The following PTK2 variants were observed in gnomAD, a reference collection of about 807,000 sequenced individuals.
PTK2 encodes the protein protein tyrosine kinase 2, also known as focal adhesion kinase 1.
Under a neutral mutation model 150.1 loss-of-function variants are expected in PTK2, and 45 were observed. The observed-to-expected ratio is 0.30, with a 90% confidence interval of 0.24 to 0.38. PTK2 has a LOEUF of 0.38. Ranked by LOEUF, PTK2 falls within the 10% of genes least tolerant of loss-of-function variation. The probability of loss-of-function intolerance (pLI) is 1.00; values close to 1 mark genes in which losing one functional copy is unlikely to be tolerated. For missense variants in PTK2, 919 were observed against 1,307.3 expected, an observed-to-expected ratio of 0.70 and a Z score of 4.58; for synonymous variants, 432 against 449.2, an observed-to-expected ratio of 0.96 and a Z score of 0.48.
chr8:140,996,677 A>G (rs2100197895), intron 1 of PTK2, among the ~76,000 whole-genome samples: 2 of 152,218 alleles, frequency 1.3e-5, no homozygotes, highest in South Asian at 4.1e-4. Flanking sequence ...GGATGATAGC[A>G]TATCTGTTTA....
Position 140,876,467 on chromosome 8 carries a change from G to A in PTK2, c.362+3004C>T, listed in dbSNP as rs370582075. Among the ~76,000 whole-genome samples, 39 of 152,138 alleles carry A rather than the reference G, an allele frequency of 2.6e-4. 2 individuals carry two copies. Among genetic ancestry groups the A allele is most frequent in the African/African-American group, 9.2e-4 (38 of 41,506 alleles). ...TGGGTGTCATCCTGTCTTGTTCTCT[G>A]GTACAACAATATTTTACTATTAATA... On this transcript the variant is annotated intron_variant, in intron 4 of 31. Transcript: ENST00000522684.
chr8:140,988,045 A>C (rs1417433696), intron 1 of PTK2, among the ~76,000 whole-genome samples: 2 of 49,818 alleles, frequency 4.0e-5, no homozygotes, highest in African/African-American at 4.0e-5. Context: ...ACCCTGTCTC[A>C]AAAAAAAAAA....
Position 140,846,600 on chromosome 8 carries a change from G to GT in PTK2, c.528dup (p.Arg177ThrfsTer17). On this transcript the variant is annotated frameshift_variant and splice_region_variant, in exon 6 of 32. Coordinates refer to ENST00000522684, the Ensembl canonical transcript of PTK2. LOFTEE classifies it high-confidence loss of function. ...CGCAATGTATAGTTATCATCTTACC[G>GT]TATTTCTAGACAACCCAACTTCAAA... 6.3e-7 allele frequency: 1 copy of GT among 1,598,216 alleles called. No homozygotes were observed. The highest frequency in any genetic ancestry group is 8.6e-7 in the Non-Finnish European group (1 of 1,166,744).
At chr8:140,971,054 T>A (rs2100187088) in intron 1 of PTK2, among the ~76,000 whole-genome samples, 1 of 152,232 alleles carries the variant, frequency 6.6e-6, no homozygotes. Flanking sequence ...CTCAACTGTT[T>A]ATTCAAGGAG....
chr8:140,759,150 G>A (rs374399546), intron 16 of PTK2, among the ~76,000 whole-genome samples: 1 of 152,068 alleles, frequency 6.6e-6, no homozygotes, highest in South Asian at 2.1e-4. Context: ...TTTACACACG[G>A]CACATGATTG....
At chr8:140,682,863 GA>G (rs2100017863) in intron 27 of PTK2, among the ~76,000 whole-genome samples, 1 of 152,084 alleles carries the variant, frequency 6.6e-6, no homozygotes, top group South Asian at 2.1e-4. Context: ...GTGTTAAGAA[GA>G]AAGTTTATAG....
In PTK2 at chr8:140,753,095, G is replaced by C. The variant is rs577276134; in HGVS notation, c.1333-779C>G. Among the ~76,000 whole-genome samples, 7 of 152,324 alleles carry C rather than the reference G, an allele frequency of 4.6e-5. No homozygotes were observed. The East Asian group carries it at 9.7e-4, about 21-fold the overall frequency. ...AATTTTGAAGGAGCATTCTGCTGTG[G>C]TACTGAGAAATGGCTGCAGAGAGGC... is the stretch of plus-strand genomic sequence containing the variant. On this transcript the variant is annotated intron_variant, in intron 16 of 31. Transcript: ENST00000522684.
chr8:140,685,104 T>C (rs1038356674), intron 27 of PTK2, among the ~76,000 whole-genome samples: 1 of 152,034 alleles, frequency 6.6e-6, no homozygotes, highest in South Asian at 2.1e-4. Flanking sequence ...CCTACAACCA[T>C]CTCATCTTTG....
chr8:140,948,517 G>A (rs978696594), intron 1 of PTK2: 1 of 152,044 alleles, frequency 6.6e-6, no homozygotes, highest in Non-Finnish European at 1.5e-5. Context: ...ACTTCTAAAA[G>A]AAAAATACAC....
At chr8:140,946,023 C>G (rs1447101462) in intron 1 of PTK2, among the ~76,000 whole-genome samples, 1 of 152,104 alleles carries the variant, frequency 6.6e-6, no homozygotes, top group East Asian at 1.9e-4. Flanking sequence ...ACCCTGGTAC[C>G]ATTTACAGCA....
chr8:140,987,853 C>T (rs1032850025), intron 1 of PTK2, among the ~76,000 whole-genome samples: 17 of 152,042 alleles, frequency 1.1e-4, no homozygotes, highest in Non-Finnish European at 1.5e-5. Context: ...CACCAGCCTG[C>T]GAAACATGAC....
At chr8:140,890,577 C>A (rs1201350980) in exon 3 of PTK2, 2 of 1,613,966 alleles carry the variant, frequency 1.2e-6, no homozygotes, top group African/African-American at 2.7e-5. Flanking sequence ...CCTGATAATA[C>A]TGGCCCAGGT....
At chr8:140,661,979 C>G (rs1242387253) in intron 31 of PTK2, among the ~76,000 whole-genome samples, 1 of 152,086 alleles carries the variant, frequency 6.6e-6, no homozygotes, top group Non-Finnish European at 1.5e-5. Context: ...GATGCAGGAT[C>G]AAAGACAGGC....
intron 22 of PTK2, among the ~76,000 whole-genome samples, chr8:140,723,507 T>C (rs923312592): frequency 6.6e-6 from 1 of 152,234 alleles, no homozygotes; most frequent in Admixed American, 6.5e-5. Context: ...GAGACAGTAC[T>C]GAACTTTTCT....
intron 3 of PTK2, among the ~76,000 whole-genome samples, chr8:140,884,011 G>C (rs532467307): frequency 1.3e-5 from 2 of 151,854 alleles, no homozygotes; most frequent in South Asian, 4.2e-4. Flanking sequence ...TTCCCTCAAC[G>C]TTGCATCTGA....
intron 22 of PTK2, chr8:140,718,605 G>A (rs895252278): frequency 4.6e-5 from 7 of 152,174 alleles, no homozygotes; most frequent in African/African-American, 1.7e-4. Flanking sequence ...GGTAGATAGT[G>A]TGCAGTAAAC....
chr8:140,931,222 ATTGT>A (rs1050268093), intron 1 of PTK2, among the ~76,000 whole-genome samples: 6 of 152,100 alleles, frequency 3.9e-5, no homozygotes, highest in Non-Finnish European at 8.8e-5. Context: ...ACTGTTCCTA[ATTGT>A]TTGTGTAACC....
chr8:140,866,894 G>A (rs1401182967), intron 4 of PTK2, among the ~76,000 whole-genome samples: 1 of 152,202 alleles, frequency 6.6e-6, no homozygotes, highest in Admixed American at 6.5e-5. Flanking sequence ...ATAAAGGGTA[G>A]TCAATGATGG....
chr8:140,839,087 T>C (rs1451292286), intron 7 of PTK2, among the ~76,000 whole-genome samples: 1 of 151,868 alleles, frequency 6.6e-6, no homozygotes, highest in African/African-American at 2.4e-5. Context: ...CAATGAAGAA[T>C]GTTTAGGCAA....
Sources: allele counts gnomAD v4.1 joint callset (sites outside exome capture counted in the v4.1 genomes callset), GRCh38; gene constraint gnomAD v4.1.1; transcripts MANE v1.5; gene names NCBI Gene and HGNC (gene_info 2026-07-23, HGNC 2026-07-21).